Variants in DSCAML1 observed in about 807,000 individuals in gnomAD.
DSCAML1 encodes cell adhesion molecule DSCAML1.
Under a neutral mutation model 200.5 loss-of-function variants are expected in DSCAML1, and 38 were observed. The ratio of observed to expected loss-of-function variants is 0.19; its 90% confidence interval spans 0.15 to 0.25. DSCAML1 has a LOEUF of 0.25. DSCAML1 is among the 10% of genes least tolerant of loss of function. The pLI is 1.00. For missense variants in DSCAML1, 2,223 were observed against 2,858.8 expected (o/e 0.78, Z 5.07); for synonymous variants, 1,215 against 1,165.0 (o/e 1.04, Z -0.87).
At chr11:117,632,762 G>A (rs1203705235) in intron 3 of DSCAML1, among the ~76,000 whole-genome samples, 5 of 152,244 alleles carry the variant, frequency 3.3e-5, no homozygotes, top group South Asian at 2.1e-4. Context: ...TGATTTCTCC[G>A]TATCTAACAG....
At chr11:117,798,637 G>C (rs1200926415), upstream of DSCAML1, among the ~76,000 whole-genome samples, 1 of 151,754 alleles carries the variant, frequency 6.6e-6, no homozygotes, top group Non-Finnish European at 1.5e-5. Context: ...CCCAGCTCCT[G>C]GCAACCACTA....
chr11:117,635,097 C>T (rs779750111), intron 3 of DSCAML1, among the ~76,000 whole-genome samples: 8 of 152,212 alleles, frequency 5.3e-5, no homozygotes, highest in African/African-American at 1.9e-4. Context: ...AAGATGGATG[C>T]GCAGCCCCTG....
intron 3 of DSCAML1, among the ~76,000 whole-genome samples, chr11:117,769,130 GTATATTATATATTATATATATTTTATA>G (rs2054953489): frequency 8.7e-6 from 1 of 115,282 alleles, no homozygotes; most frequent in Non-Finnish European, 1.7e-5. Flanking sequence ...TATATATTAT[GTATATTATATATTATATATATTTTATA>G]TATATTATAT....
chr11:117,460,468 G>T (rs1470086313), intron 18 of DSCAML1, among the ~76,000 whole-genome samples: 1 of 152,144 alleles, frequency 6.6e-6, no homozygotes, highest in South Asian at 2.1e-4. Context: ...GGGCTGGGAG[G>T]CAGAAAGTGC....
At chr11:117,787,697 C>T (rs2134064978) in intron 1 of DSCAML1, among the ~76,000 whole-genome samples, 1 of 152,306 alleles carries the variant, frequency 6.6e-6, no homozygotes, top group African/African-American at 2.4e-5. Context: ...CATTAATTAA[C>T]TTAATTTGGA....
chr11:117,567,205 A>C (rs1321957219), intron 3 of DSCAML1, among the ~76,000 whole-genome samples: 1 of 152,150 alleles, frequency 6.6e-6, no homozygotes, highest in Non-Finnish European at 1.5e-5. Context: ...ACAGTGTAAA[A>C]GTGTTCTTAT....
intron 8 of DSCAML1, among the ~76,000 whole-genome samples, chr11:117,513,064 G>T (rs528432516): frequency 2.1e-3 from 315 of 152,260 alleles, no homozygotes; most frequent in Non-Finnish European, 3.3e-3. Flanking sequence ...AGTGAGGGCT[G>T]GCGCAGGGAG....
chr11:117,432,280 C>T (rs1316760796), intron 30 of DSCAML1, 72 bp downstream of exon 30: 2 of 1,450,102 alleles, frequency 1.4e-6, no homozygotes, highest in Non-Finnish European at 1.8e-6. Context: ...AAAAAAACAC[C>T]ACCTCTGTGT....
intron 32 of DSCAML1, among the ~76,000 whole-genome samples, chr11:117,429,777 C>A (rs1246456486): frequency 6.6e-6 from 1 of 152,218 alleles, no homozygotes; most frequent in African/African-American, 2.4e-5. Flanking sequence ...TGGGCCTCTT[C>A]CCCCGGGGAG....
At chr11:117,534,572 T>TGA (rs2050134099) in intron 3 of DSCAML1, among the ~76,000 whole-genome samples, 1 of 152,234 alleles carries the variant, frequency 6.6e-6, no homozygotes, top group South Asian at 2.1e-4. Flanking sequence ...TGATGCCCTT[T>TGA]GAATTTTCTT....
chr11:117,804,030 G>A (rs894838424), intron 1 of DSCAML1, among the ~76,000 whole-genome samples: 2 of 152,172 alleles, frequency 1.3e-5, no homozygotes, highest in African/African-American at 4.8e-5. Flanking sequence ...ATTGTGGACC[G>A]AGACCCTCCT....
chr11:117,604,770 G>C lies in DSCAML1; in HGVS notation c.512-72248C>G, dbSNP rs1337651713. On this transcript the variant is annotated intron_variant, in intron 3 of 32. Transcript: ENST00000651296. ...GTGGCTTGATTGTCCCAGGAGCCCG[G>C]GATGAGGGAGCCAGAGACTAGCAAT... Among the ~76,000 whole-genome samples the C allele has an allele frequency of 2.0e-5, 3 of 152,206 alleles. No individual in the cohort carries two copies. The East Asian group carries it at 5.8e-4, about 29-fold the overall frequency.
chr11:117,487,962 G>T (rs971276489), intron 11 of DSCAML1, among the ~76,000 whole-genome samples: 1 of 152,184 alleles, frequency 6.6e-6, no homozygotes, highest in South Asian at 2.1e-4. Flanking sequence ...CCTTGTCTTT[G>T]GGCCCTTGGG....
intron 3 of DSCAML1, among the ~76,000 whole-genome samples, chr11:117,571,406 A>C (rs1197079927): frequency 1.3e-5 from 2 of 152,112 alleles, no homozygotes; most frequent in African/African-American, 4.8e-5. Context: ...TCGTGGACTG[A>C]GTGAGTGAGG....
At chr11:117,801,593 AT>A (rs2055659543), upstream of DSCAML1, 1 of 152,390 alleles carries the variant, frequency 6.6e-6, no homozygotes, top group East Asian at 1.9e-4. Context: ...ATATAAAAAA[AT>A]ATTATGTGTC....
chr11:117,652,626 C>G (rs1327599638), intron 3 of DSCAML1, among the ~76,000 whole-genome samples: 1 of 152,174 alleles, frequency 6.6e-6, no homozygotes, highest in Non-Finnish European at 1.5e-5. Flanking sequence ...AAATCTAAAC[C>G]CTAGAGACAC....
intron 3 of DSCAML1, among the ~76,000 whole-genome samples, chr11:117,766,209 T>C (rs1399312672): frequency 6.6e-6 from 1 of 152,230 alleles, no homozygotes; most frequent in Admixed American, 6.5e-5. Context: ...TGGCTCTCAT[T>C]GATACACAAC....
upstream of DSCAML1, among the ~76,000 whole-genome samples, chr11:117,802,245 G>A (rs981848967): frequency 2.6e-5 from 4 of 152,110 alleles, no homozygotes; most frequent in African/African-American, 9.7e-5. Flanking sequence ...CCATTCAGCA[G>A]GGCCTGGTCA....
intron 4 of DSCAML1, among the ~76,000 whole-genome samples, chr11:117,530,934 T>G (rs941077610): frequency 2.0e-5 from 3 of 152,194 alleles, no homozygotes; most frequent in African/African-American, 7.2e-5. Flanking sequence ...GATTTTCAAC[T>G]CGCAACCCGC....
Sources: gnomAD v4.1 joint callset for allele counts (sites outside exome capture counted in the v4.1 genomes callset) on GRCh38, gnomAD v4.1.1 for gene constraint, MANE v1.5 for transcripts, NCBI Gene and HGNC (gene_info 2026-07-23, HGNC 2026-07-21) for gene names.